Variants in HMG20A observed in about 807,000 individuals in gnomAD.
HMG20A encodes high mobility group 20A, also known as high mobility group protein 20A.
In HMG20A, 17 loss-of-function variants were observed where a neutral mutation model predicts 43.9. The ratio of observed to expected loss-of-function variants is 0.39; its 90% CI spans 0.27 to 0.58. The LOEUF (loss-of-function observed/expected upper bound fraction) is 0.58, where lower values mean the gene tolerates loss of function less well. Ranked by LOEUF, HMG20A falls within the 20% of genes least tolerant of loss-of-function variation. The pLI is 0.59. For missense variants in HMG20A, 341 were observed against 438.2 expected (o/e 0.78, Z 1.98); for synonymous variants, 132 against 147.5 (o/e 0.89, Z 0.76).
the HMG20A span, among the ~76,000 whole-genome samples, chr15:77,519,095 G>A: frequency 6.6e-6 from 1 of 152,122 alleles, no homozygotes; most frequent in Non-Finnish European, 1.5e-5. Context: ...GCCACCTCCT[G>A]GGTCCATCCA....
intron 1 of HMG20A, among the ~76,000 whole-genome samples, chr15:77,456,077 A>G (rs2072651481): frequency 1.3e-5 from 2 of 152,194 alleles, no homozygotes; most frequent in Admixed American, 6.5e-5. Flanking sequence ...TTTGAATACA[A>G]CAAACTTAAG....
At chr15:77,465,605 G>A (rs887604813) in intron 3 of HMG20A, among the ~76,000 whole-genome samples, 2 of 152,220 alleles carry the variant, frequency 1.3e-5, no homozygotes, top group African/African-American at 2.4e-5. Flanking sequence ...GTGTTGACCA[G>A]GCTGGTCTCG....
At chr15:77,434,665 A>G (rs530706714) in intron 1 of HMG20A, among the ~76,000 whole-genome samples, 1 of 152,332 alleles carries the variant, frequency 6.6e-6, no homozygotes, top group Admixed American at 6.5e-5. Flanking sequence ...CCACAGTGAG[A>G]TACTTGGGAC....
intron 4 of HMG20A, among the ~76,000 whole-genome samples, chr15:77,469,818 C>CAAA (rs1335720715): frequency 6.6e-6 from 1 of 152,154 alleles, no homozygotes; most frequent in Non-Finnish European, 1.5e-5. Context: ...CAGGCGTGCA[C>CAAA]CATCACACCC....
chr15:77,446,503 G>A (rs945945807), intron 1 of HMG20A, among the ~76,000 whole-genome samples: 2 of 152,136 alleles, frequency 1.3e-5, no homozygotes, highest in Non-Finnish European at 2.9e-5. Context: ...TCACCAAGAT[G>A]TGAGTAAAAA....
intron 1 of HMG20A, among the ~76,000 whole-genome samples, chr15:77,437,735 C>T (rs994203281): frequency 6.6e-6 from 1 of 152,044 alleles, no homozygotes; most frequent in African/African-American, 2.4e-5. Flanking sequence ...CCACACCTGA[C>T]TAATGTTTGT....
chr15:77,477,078 T>C (rs2072863174), intron 6 of HMG20A, among the ~76,000 whole-genome samples: 1 of 152,324 alleles, frequency 6.6e-6, no homozygotes, highest in African/African-American at 2.4e-5. Context: ...TAATTATTGC[T>C]CATAGCAGTT....
At chr15:77,485,822 C>T (rs1319637415), downstream of HMG20A, among the ~76,000 whole-genome samples, 1 of 152,230 alleles carries the variant, frequency 6.6e-6, no homozygotes, top group African/African-American at 2.4e-5. Context: ...GTCCCAGCTA[C>T]TCAGGAGGCT....
intron 1 of HMG20A, among the ~76,000 whole-genome samples, chr15:77,454,880 T>C (rs1266630003): frequency 6.6e-6 from 1 of 152,090 alleles, no homozygotes; most frequent in Non-Finnish European, 1.5e-5. Flanking sequence ...GAGGTTGATA[T>C]AACCAAGGAA....
At chr15:77,501,483 C>T in the HMG20A span, among the ~76,000 whole-genome samples, 1 of 152,214 alleles carries the variant, frequency 6.6e-6, no homozygotes, top group South Asian at 2.1e-4. Flanking sequence ...GCCTCTCAGG[C>T]TCTCTTGGGA....
intron 1 of HMG20A, among the ~76,000 whole-genome samples, chr15:77,439,526 T>C (rs776151717): frequency 1.3e-5 from 2 of 152,220 alleles, no homozygotes; most frequent in Non-Finnish European, 1.5e-5. Flanking sequence ...TCTTGGCTCA[T>C]CATTATATCT....
intron 4 of HMG20A, among the ~76,000 whole-genome samples, chr15:77,469,670 T>A (rs1245079346): frequency 6.6e-6 from 1 of 152,066 alleles, no homozygotes; most frequent in African/African-American, 2.4e-5. Context: ...TTTGTTTGTT[T>A]GTTTGTTTGT....
intron 1 of HMG20A, among the ~76,000 whole-genome samples, chr15:77,430,983 T>C (rs747457146): frequency 2.0e-5 from 3 of 152,178 alleles, no homozygotes; most frequent in Non-Finnish European, 4.4e-5. Flanking sequence ...ATTTGAAAAG[T>C]GCAAGAAACG....
At chr15:77,421,194 T>G in intron 1 of HMG20A, 190 bp downstream of exon 1, 155 of 214,666 alleles carry the variant, frequency 7.2e-4, no homozygotes, top group East Asian at 1.4e-3. Flanking sequence ...CCTCACTTCC[T>G]GTGGGGGGGT....
downstream of HMG20A, among the ~76,000 whole-genome samples, chr15:77,487,230 G>A (rs2072950105): frequency 6.6e-6 from 1 of 152,170 alleles, no homozygotes; most frequent in Admixed American, 6.5e-5. Flanking sequence ...TAGCTATAAA[G>A]GAGGCCAAGA....
intron 1 of HMG20A, among the ~76,000 whole-genome samples, chr15:77,438,137 ATTTTTTTTT>A (rs34192592): frequency 8.8e-6 from 1 of 113,456 alleles, no homozygotes; most frequent in Non-Finnish European, 1.8e-5. Flanking sequence ...TTTAGTTTTA[ATTTTTTTTT>A]TTTTTTTTTT....
chr15:77,478,613 T>C, intron 8 of HMG20A, 103 bp downstream of exon 8: 3 of 847,796 alleles, frequency 3.5e-6, no homozygotes, highest in Non-Finnish European at 5.5e-6. Flanking sequence ...TGAAATCTCC[T>C]CCAGAGGAAA....
At chr15:77,427,442 G>A (rs980581702) in intron 1 of HMG20A, among the ~76,000 whole-genome samples, 2 of 152,148 alleles carry the variant, frequency 1.3e-5, no homozygotes, top group South Asian at 2.1e-4. Context: ...TTCCCTAAAA[G>A]ATTGTACTGA....
At chr15:77,510,842 G>A in the HMG20A span, among the ~76,000 whole-genome samples, 1 of 152,374 alleles carries the variant, frequency 6.6e-6, no homozygotes, top group East Asian at 1.9e-4. Flanking sequence ...ACGTCCCTGA[G>A]CTTTCAGCCC....
Sources: allele counts gnomAD v4.1 joint callset (sites outside exome capture counted in the v4.1 genomes callset), GRCh38; gene constraint gnomAD v4.1.1; transcripts MANE v1.5; gene names NCBI Gene and HGNC (gene_info 2026-07-23, HGNC 2026-07-21).